FBXL18: variants seen among roughly 807,000 people sequenced by gnomAD.
FBXL18 encodes F-box and leucine rich repeat protein 18, also known as F-box/LRR-repeat protein 18.
A neutral mutation model predicts 46.0 loss-of-function variants in FBXL18; 36 were observed. That is an observed-to-expected ratio of 0.78 (90% CI 0.60 to 1.03). The LOEUF is 1.03. FBXL18 is among the 50% of genes least tolerant of loss of function. The probability of loss-of-function intolerance (pLI) is 0.00; values close to 1 mark genes in which losing one functional copy is unlikely to be tolerated. For missense variants in FBXL18, 977 were observed against 1,004.1 expected (o/e 0.97, Z 0.36); for synonymous variants, 557 against 465.3 (o/e 1.20, Z -2.54).
At chr7:5,510,930 T>A (rs1048382946) in intron 1 of FBXL18, among the ~76,000 whole-genome samples, 1 of 152,194 alleles carries the variant, frequency 6.6e-6, no homozygotes, top group Non-Finnish European at 1.5e-5. Context: ...CCACCGGCTA[T>A]AATGACAACT....
intron 3 of FBXL18, among the ~76,000 whole-genome samples, chr7:5,492,066 G>T (rs1305285128): frequency 6.6e-6 from 1 of 151,454 alleles, no homozygotes; most frequent in East Asian, 1.9e-4. Flanking sequence ...AGGCCGAGGG[G>T]AGTGGGGCCA....
At chr7:5,491,479 C>T (rs761154151) in intron 3 of FBXL18, 30 bp from the exon 4 acceptor site, 5 of 1,528,696 alleles carry the variant, frequency 3.3e-6, no homozygotes, top group African/African-American at 2.7e-5. Context: ...CTGTGAGGTC[C>T]GAGGGAGGGG....
intron 1 of FBXL18, 130 bp downstream of exon 1, chr7:5,513,527 G>A (rs1407853384): frequency 9.6e-7 from 1 of 1,046,228 alleles, no homozygotes; most frequent in Non-Finnish European, 1.5e-6. Flanking sequence ...CCAGGGTCAG[G>A]ATGGGAAGGA....
At chr7:5,503,936 T>C (rs1334043194) in intron 2 of FBXL18, among the ~76,000 whole-genome samples, 3 of 149,922 alleles carry the variant, frequency 2.0e-5, no homozygotes, top group Admixed American at 2.0e-4. Context: ...CACTGCACTC[T>C]AGCCTGGGCA....
At chr7:5,506,367 G>A (rs980853054) in intron 1 of FBXL18, among the ~76,000 whole-genome samples, 4 of 151,756 alleles carry the variant, frequency 2.6e-5, no homozygotes, top group Admixed American at 6.6e-5. Flanking sequence ...TCCTGGCTCA[G>A]CCTCCCAAGT....
At chr7:5,490,633 T>C (rs2128235523) in intron 4 of FBXL18, among the ~76,000 whole-genome samples, 3 of 152,248 alleles carry the variant, frequency 2.0e-5, no homozygotes, top group Middle Eastern at 6.8e-3. Flanking sequence ...TGCTTCTAGA[T>C]CCAAACAACG....
At chr7:5,470,691 C>T (rs551533996) in intron 4 of FBXL18, among the ~76,000 whole-genome samples, 1 of 30,894 alleles carries the variant, frequency 3.2e-5, no homozygotes, top group African/African-American at 1.7e-4. Flanking sequence ...GCTGCCCCCT[C>T]CCCTTCCCGG....
At chr7:5,482,421 GGGA>G (rs1319196862) in intron 4 of FBXL18, among the ~76,000 whole-genome samples, 1 of 152,196 alleles carries the variant, frequency 6.6e-6, no homozygotes, top group African/African-American at 2.4e-5. Context: ...AGCAGTCGCT[GGGA>G]GGAGCAGATA....
intron 3 of FBXL18, among the ~76,000 whole-genome samples, chr7:5,491,821 CAA>C (rs1193280273): frequency 2.6e-5 from 4 of 152,174 alleles, no homozygotes; most frequent in African/African-American, 7.2e-5. Flanking sequence ...GCAGCGGATG[CAA>C]AGAGGACCCC....
Position 5,501,619 on chromosome 7 carries a change from A to G in FBXL18, c.650T>C (p.Leu217Pro). The G allele has an allele frequency of 6.2e-7, 1 of 1,613,772 alleles. No homozygotes were observed. The highest frequency in any genetic ancestry group is 2.2e-5 in the East Asian group (1 of 44,878). ...CGGCACGTTGCTCTGGCCCACCATA[A>G]GCTGGCCCGAGAGGATGGCGCCCTC... ...TREGAILSGQ[L>P]MVGQSNVPHY... The change falls in exon 3 of 5, where the codon CTT becomes CCT. Residue 217 changes from leucine (L) to proline (P), a missense_variant. Physicochemically the swap from Leu to Pro is moderately conservative, Grantham distance 98 (BLOSUM62 -3). Transcript: ENST00000382368.
intron 3 of FBXL18, among the ~76,000 whole-genome samples, chr7:5,493,318 G>A (rs1584221061): frequency 6.6e-6 from 1 of 152,276 alleles, no homozygotes; most frequent in East Asian, 1.9e-4. Context: ...CTGGATGACA[G>A]AGCAAGACAG....
rs1562672358 is a variant in FBXL18, at chr7:5,463,742, T to TTTTTTTA, written c.2001-15900_2001-15899insTAAAAAA. ...TTTATTTATTTATTTTTTTTTTTTT[T>TTTTTTTA]TTTTTTTTTTTTTTTTGAGACGGAG... is the stretch of plus-strand genomic sequence containing the variant. On this transcript the variant is annotated intron_variant and NMD_transcript_variant, in intron 4 of 6. Transcript: ENST00000415009. 5.6e-4 allele frequency among the ~76,000 whole-genome samples: 41 copies of TTTTTTTA among 72,946 alleles called. 1 individual carries two copies. The highest frequency in any genetic ancestry group is 1.9e-3 in the African/African-American group (38 of 19,826). 47.9% of individuals were successfully genotyped at this position (72,946 alleles called of 152,430 possible). A position where few individuals can be genotyped will look rare whatever the true frequency, so the allele number is the denominator to read the frequency against.
intron 4 of FBXL18, among the ~76,000 whole-genome samples, chr7:5,460,125 A>C (rs1783223373): frequency 6.6e-6 from 1 of 151,770 alleles, no homozygotes; most frequent in South Asian, 2.1e-4. Flanking sequence ...GTTGTGGTGC[A>C]TGCCTGTAAT....
chr7:5,468,237 C>T (rs1584187460), intron 4 of FBXL18, among the ~76,000 whole-genome samples: 1 of 152,148 alleles, frequency 6.6e-6, no homozygotes, highest in East Asian at 1.9e-4. Flanking sequence ...CCCGCCTCGG[C>T]CTCCCAAAGT....
Position 5,501,316 on chromosome 7 carries a change from T to G in FBXL18, c.953A>C (p.Tyr318Ser). 6.2e-7 allele frequency: 1 copy of G among 1,614,088 alleles called. No homozygotes were observed. The change falls in exon 3 of 5, where the codon TAC (tyrosine) becomes TCC (serine). Residue 318 changes from tyrosine to serine, a missense_variant. Coordinates refer to ENST00000382368, the MANE Select transcript of FBXL18 (RefSeq NM_024963.6). ...CAGGGTACAGCGGCTGAAACTGAAG[T>G]AGAACGGGTTGTTGAATTTCATGTG... is the stretch of plus-strand genomic sequence containing the variant. ...LQHMKFNNPF[Y>S]FSFSRCTLSG...
At chr7:5,493,862 G>A (rs1049411579) in intron 3 of FBXL18, among the ~76,000 whole-genome samples, 4 of 151,916 alleles carry the variant, frequency 2.6e-5, no homozygotes, top group Non-Finnish European at 4.4e-5. Context: ...AGCCAGGTGC[G>A]GTGGCTCACG....
intron 4 of FBXL18, chr7:5,490,314 C>G (rs1783889031): frequency 1.7e-6 from 2 of 1,151,938 alleles, no homozygotes; most frequent in South Asian, 1.8e-5. Flanking sequence ...TCAGCCCGTC[C>G]TCCTGAGAGG....
intron 1 of FBXL18, among the ~76,000 whole-genome samples, chr7:5,508,588 GAC>G (rs1446651370): frequency 7.4e-6 from 1 of 135,730 alleles, no homozygotes. Context: ...CAGCCTGGAT[GAC>G]AGAGAGAGAC....
intron 1 of FBXL18, 43 bp from the exon 2 acceptor site, chr7:5,505,673 T>C (rs1189609786): frequency 6.4e-7 from 1 of 1,563,514 alleles, no homozygotes; most frequent in South Asian, 1.1e-5. Flanking sequence ...TCCCCAAGGA[T>C]GGCTGTCAGC....
Sources: gnomAD v4.1 joint callset for allele counts (sites outside exome capture counted in the v4.1 genomes callset) on GRCh38, gnomAD v4.1.1 for gene constraint, MANE v1.5 for transcripts, NCBI Gene and HGNC (gene_info 2026-07-23, HGNC 2026-07-21) for gene names.